Variants in SLC30A9 observed in about 807,000 individuals in gnomAD.
SLC30A9 encodes the protein solute carrier family 30 member 9.
SLC30A9 carries 58 observed loss-of-function variants against 87.5 expected under a neutral mutation model. The observed-to-expected ratio is 0.66, with a 90% CI of 0.54 to 0.82. SLC30A9 has a LOEUF of 0.82. Among genes scored for constraint, SLC30A9 ranks in the 40% least tolerant of loss-of-function variants. SLC30A9 has a pLI of 0.00. For missense variants in SLC30A9, 557 were observed against 679.1 expected, an observed-to-expected ratio of 0.82 and a Z score of 2.00; for synonymous variants, 234 against 233.0, an observed-to-expected ratio of 1.00 and a Z score of -0.04.
At chr4:42,025,855 C>T (rs1716170496) in intron 6 of SLC30A9, among the ~76,000 whole-genome samples, 1 of 152,090 alleles carries the variant, frequency 6.6e-6, no homozygotes, top group South Asian at 2.1e-4. Context: ...TTAGTAGAGA[C>T]AGGGTTTCAC....
intron 6 of SLC30A9, among the ~76,000 whole-genome samples, chr4:42,027,110 C>G (rs530289549): frequency 6.6e-6 from 1 of 152,194 alleles, no homozygotes; most frequent in Admixed American, 6.5e-5. Context: ...CTAACTATGG[C>G]CCGTGGAACA....
At chr4:42,001,543 G>A in intron 1 of SLC30A9, 73 bp from the exon 2 acceptor site, 2 of 883,604 alleles carry the variant, frequency 2.3e-6, no homozygotes, top group Non-Finnish European at 3.5e-6. Context: ...CACCTCTGGA[G>A]AGGGTGGCTT....
At chr4:42,028,498 A>G (rs1716285152) in intron 6 of SLC30A9, among the ~76,000 whole-genome samples, 1 of 152,250 alleles carries the variant, frequency 6.6e-6, no homozygotes, top group South Asian at 2.1e-4. Context: ...TGTCTTATAT[A>G]GATGATGGTG....
intron 9 of SLC30A9, 98 bp from the exon 10 acceptor site, chr4:42,060,093 C>A: frequency 1.1e-6 from 1 of 886,222 alleles, no homozygotes; most frequent in Non-Finnish European, 1.9e-6. Context: ...TTGAGTGTTT[C>A]TTTGTCATTG....
At chr4:42,040,131 G>A (rs939871977) in intron 8 of SLC30A9, among the ~76,000 whole-genome samples, 5 of 152,134 alleles carry the variant, frequency 3.3e-5, no homozygotes, top group Admixed American at 6.5e-5. Context: ...TGTAAATAAT[G>A]TACCATTCAC....
At chr4:41,994,327 T>C (rs1254615467) in intron 1 of SLC30A9, among the ~76,000 whole-genome samples, 3 of 152,136 alleles carry the variant, frequency 2.0e-5, no homozygotes, top group Admixed American at 6.5e-5. Flanking sequence ...AGTACACATA[T>C]ACTTCTAAAG....
Position 42,050,581 on chromosome 4 carries a change from T to C in SLC30A9, c.840+1102T>C, listed in dbSNP as rs1362112603. On this transcript the variant is annotated intron_variant, in intron 9 of 17. Coordinates refer to ENST00000264451, the MANE Select transcript of SLC30A9 (RefSeq NM_006345.4). ...GCATTTAAAAAGAATGTAGTAGATA[T>C]CTGTGTACTGACCTGGAATGATAAC... 2.6e-5 allele frequency among the ~76,000 whole-genome samples: 4 copies of C among 152,230 alleles called. No individual in the cohort carries two copies. In the East Asian group the frequency reaches 7.7e-4, roughly 29 times the overall value.
At chr4:42,069,354 A>G (rs1056182529) in intron 14 of SLC30A9, among the ~76,000 whole-genome samples, 4 of 152,180 alleles carry the variant, frequency 2.6e-5, no homozygotes, top group Non-Finnish European at 4.4e-5. Context: ...AAGTTTTCTT[A>G]AAAAAGGTAT....
chr4:42,071,520 G>T (rs1718307029), intron 15 of SLC30A9, among the ~76,000 whole-genome samples: 2 of 151,922 alleles, frequency 1.3e-5, no homozygotes, highest in Admixed American at 1.3e-4. Flanking sequence ...AATGAGAGAT[G>T]GGCACAGTGG....
At chr4:42,084,567 G>T (rs1358154302) in intron 17 of SLC30A9, among the ~76,000 whole-genome samples, 3 of 152,106 alleles carry the variant, frequency 2.0e-5, no homozygotes, top group Non-Finnish European at 4.4e-5. Flanking sequence ...TGCCTCCCGG[G>T]TTCAAGCGAT....
intron 17 of SLC30A9, among the ~76,000 whole-genome samples, chr4:42,085,248 G>T (rs1178116241): frequency 1.3e-5 from 2 of 152,170 alleles, no homozygotes; most frequent in African/African-American, 4.8e-5. Flanking sequence ...AAATTTTCTA[G>T]ATCTCATGAG....
chr4:42,048,800 C>T (rs879011499), intron 8 of SLC30A9, among the ~76,000 whole-genome samples: 2 of 152,244 alleles, frequency 1.3e-5, no homozygotes, highest in Admixed American at 6.5e-5. Flanking sequence ...TATAGAAGAC[C>T]ATCTTTTCTC....
intron 17 of SLC30A9, among the ~76,000 whole-genome samples, chr4:42,080,248 C>G (rs896528756): frequency 6.6e-6 from 1 of 152,162 alleles, no homozygotes; most frequent in Non-Finnish European, 1.5e-5. Context: ...CCTTCTAATA[C>G]CAACTGTGAG....
chr4:42,074,681 T>G (rs537028799), intron 15 of SLC30A9, among the ~76,000 whole-genome samples: 6 of 152,232 alleles, frequency 3.9e-5, no homozygotes, highest in African/African-American at 1.4e-4. Context: ...ATGTATAAAA[T>G]AAAGATGTCA....
Position 42,020,532 on chromosome 4 carries a change from A to T in SLC30A9, c.434+17A>T. 2 of 1,368,844 alleles carry T rather than the reference A, an allele frequency of 1.5e-6. No individual in the cohort carries two copies. The highest frequency in any genetic ancestry group is 2.1e-6 in the Non-Finnish European group (2 of 964,498). The allele number at this position is 1,368,844 out of a possible 1,614,324, so 84.8% of individuals were successfully genotyped here. On this transcript the variant is annotated intron_variant, in intron 4 of 17. Transcript: ENST00000264451. ...CAAATCCAGGTAATTTTTTTAAAAAATGTAGCCGTGTGTCATATCTAAATA... is the reference window on the plus strand; with the variant it reads ...CAAATCCAGGTAATTTTTTTAAAAATTGTAGCCGTGTGTCATATCTAAATA...
chr4:42,051,421 T>G (rs1296837946), intron 9 of SLC30A9, among the ~76,000 whole-genome samples: 1 of 152,134 alleles, frequency 6.6e-6, no homozygotes, highest in Non-Finnish European at 1.5e-5. Context: ...ATTTGACTCA[T>G]AACCAGGAGA....
At chr4:42,055,461 A>C (rs908567701) in intron 9 of SLC30A9, among the ~76,000 whole-genome samples, 4 of 152,064 alleles carry the variant, frequency 2.6e-5, no homozygotes, top group African/African-American at 7.2e-5. Context: ...ATCTCGGCTT[A>C]CTGCAAGCTC....
intron 1 of SLC30A9, among the ~76,000 whole-genome samples, chr4:41,993,718 A>G (rs1264403132): frequency 6.6e-6 from 1 of 152,232 alleles, no homozygotes; most frequent in Non-Finnish European, 1.5e-5. Flanking sequence ...ACTTTAAAGA[A>G]ATAATCAAAA....
intron 8 of SLC30A9, among the ~76,000 whole-genome samples, chr4:42,044,295 GTGC>G (rs1200166816): frequency 6.6e-6 from 1 of 150,966 alleles, no homozygotes; most frequent in Non-Finnish European, 1.5e-5. Context: ...ACCCATTGGT[GTGC>G]TGCATGCAGG....
Sources: gnomAD v4.1 joint callset for allele counts (sites outside exome capture counted in the v4.1 genomes callset) on GRCh38, gnomAD v4.1.1 for gene constraint, MANE v1.5 for transcripts, NCBI Gene and HGNC (gene_info 2026-07-23, HGNC 2026-07-21) for gene names.